The following CHKB variants were observed in gnomAD, a reference collection of about 807,000 sequenced individuals.
The protein encoded by CHKB is choline/ethanolamine kinase.
Under a neutral mutation model 57.3 loss-of-function variants are expected in CHKB, and 45 were observed. The observed-to-expected ratio is 0.79, with a 90% confidence interval of 0.62 to 1.01. The LOEUF (loss-of-function observed/expected upper bound fraction) is 1.01, where lower values mean the gene tolerates loss of function less well. CHKB is among the 50% of genes least tolerant of loss of function. CHKB has a pLI of 0.00. For synonymous variants in CHKB, 224 were observed against 201.8 expected, an observed-to-expected ratio of 1.11 and a Z score of -0.93; for missense variants, 517 against 502.8, an observed-to-expected ratio of 1.03 and a Z score of -0.27.
rs1341005645 is a variant in CHKB, at chr22:50,579,204, T to G, written c.1165A>C (p.Thr389Pro). Residue 389 changes from threonine (T) to proline (P), a missense_variant, in exon 11 of 11, where the codon ACC (threonine) becomes CCC (proline). Coordinates refer to ENST00000406938, the MANE Select transcript of CHKB (RefSeq NM_005198.5). ...QFYFQQKGQL[T>P]SVHSSS The stretch of plus-strand genomic sequence containing the variant: ...AGTCAGGATGAGGAGTGGACACTGG[T>G]CAGCTGCCCCTTCTGCTGGAAGTAG... The G allele has an allele frequency of 6.2e-7, 1 of 1,613,760 alleles. No homozygotes were observed. Among genetic ancestry groups the G allele is most frequent in the African/African-American group, 1.3e-5 (1 of 74,988 alleles).
At chr22:50,582,516 C>A in intron 1 of CHKB, 42 bp downstream of exon 1, 3 of 1,572,500 alleles carry the variant, frequency 1.9e-6, no homozygotes, top group Non-Finnish European at 2.6e-6. Flanking sequence ...TGACCCCTGA[C>A]CCCGATCCGC....
Position 50,579,411 on chromosome 22 carries a change from C to T in CHKB, c.1113+15G>A, listed in dbSNP as rs1281543352. On this transcript the variant is annotated intron_variant, in intron 10 of 10. Transcript: ENST00000406938. ...CAGCCCCCCAGCTAGCATTCCCATC[C>T]CCAGGGTCACTTACCAAGTAACCAA... is the stretch of plus-strand genomic sequence containing the variant. 3 of 1,610,788 alleles carry T rather than the reference C, an allele frequency of 1.9e-6. No individual in the cohort carries two copies. The highest frequency in any genetic ancestry group is 1.3e-5 in the African/African-American group (1 of 74,832).
intron 2 of CHKB, 53 bp from the exon 3 acceptor site, chr22:50,581,915 CAT>C (rs2070699411): frequency 4.0e-6 from 6 of 1,494,334 alleles, no homozygotes; most frequent in East Asian, 2.3e-5. Context: ...CAGGGACACA[CAT>C]GAGGGCTCGC....
chr22:50,582,343 T>C lies in CHKB; in HGVS notation c.239A>G (p.Asn80Ser), dbSNP rs774901785. ...RVYPVSGGLS[N>S]LLFRCSLPDH... ...CGGGAGCGAGCAGCGGAAGAGCAGG[T>C]TGCTGAGGCCTCCGCTGCAGACCCA... Residue 80 changes from asparagine (N) to serine (S), a missense_variant, in exon 2 of 11, where the codon AAC becomes AGC. Asn to Ser is a conservative substitution (Grantham distance 46, BLOSUM62 1). Transcript: ENST00000406938. 2 of 1,566,402 alleles carry C rather than the reference T, an allele frequency of 1.3e-6. No individual in the cohort carries two copies. Among genetic ancestry groups the C allele is most frequent in the East Asian group, 2.3e-5 (1 of 42,632 alleles).
At chr22:50,579,862 GGA>G in intron 8 of CHKB, 32 bp from the exon 9 acceptor site, 1 of 1,602,162 alleles carries the variant, frequency 6.2e-7, no homozygotes, top group Non-Finnish European at 8.5e-7. Context: ...CAGGAATTGG[GGA>G]GACTGTGGAG....
At position 50,579,118 on chromosome 22, in the gene CHKB, T is replaced by C; in HGVS notation, c.*63A>G. The C allele has an allele frequency of 6.6e-7, 1 of 1,506,522 alleles. No homozygotes were observed. The highest frequency in any genetic ancestry group is 9.1e-7 in the Non-Finnish European group (1 of 1,093,250). The allele number at this position is 1,506,522 out of a possible 1,614,324, so 93.3% of individuals were successfully genotyped here. A position where few individuals can be genotyped will look rare whatever the true frequency, so the allele number is the denominator to read the frequency against. On this transcript the variant is annotated 3_prime_UTR_variant, in exon 11 of 11. Transcript: ENST00000406938. ...AGTCGCCAGGGCCTTCTGCTCGTTGTTCCTCCCTCCAAGGTCCTGCCCTGG... is the reference window on the plus strand; with the variant it reads ...AGTCGCCAGGGCCTTCTGCTCGTTGCTCCTCCCTCCAAGGTCCTGCCCTGG...
intron 9 of CHKB, 102 bp downstream of exon 9, chr22:50,579,625 C>T: frequency 2.0e-6 from 3 of 1,486,462 alleles, no homozygotes; most frequent in African/African-American, 1.4e-5. Flanking sequence ...GTCCTAACTC[C>T]ACTCTCCACA....
At position 50,579,981 on chromosome 22, in the gene CHKB, T is replaced by A; in HGVS notation, c.920A>T (p.Glu307Val). Residue 307 changes from glutamate (E) to valine (V), a missense_variant, in exon 8 of 11, where the codon GAA (glutamate) becomes GTA (valine). By Grantham distance (121) the Glu-to-Val change is moderately radical. Transcript: ENST00000406938. ...KARPTDYPTQ[E>V]QQLHFIRHYL... ...AGCCTCTGGCCCACATACCTGCTGT[T>A]CTTGAGTGGGGTAGTCTGTGGGCCT... is the stretch of plus-strand genomic sequence containing the variant. 1 of 1,613,982 alleles carries A rather than the reference T, an allele frequency of 6.2e-7. No homozygotes were observed. Among genetic ancestry groups the A allele is most frequent in the Non-Finnish European group, 8.5e-7 (1 of 1,179,914 alleles).
At chr22:50,582,093 G>T in intron 2 of CHKB, 156 bp downstream of exon 2, 1 of 829,624 alleles carries the variant, frequency 1.2e-6, no homozygotes, top group Non-Finnish European at 2.0e-6. Context: ...GCCTCCCAAA[G>T]CTCTGGGAAT....
Position 50,580,257 on chromosome 22 carries a change from G to A in CHKB, c.751C>T (p.Leu251Phe), listed in dbSNP as rs1030395882. 3 of 1,614,000 alleles carry A rather than the reference G, an allele frequency of 1.9e-6. No individual in the cohort carries two copies. The highest frequency in any genetic ancestry group is 8.5e-7 in the Non-Finnish European group (1 of 1,180,020). Reference sequence around the variant, plus strand: ...CTGTCAGCATTTTCTGGCTCTGAGAGCAGCAAGATGTTCCCTGGGGGAATG... The same window carrying A: ...CTGTCAGCATTTTCTGGCTCTGAGAACAGCAAGATGTTCCCTGGGGGAATG... ...NDIQEGNILLLSEPENADSLM... is the reference protein window; with the variant it reads ...NDIQEGNILLFSEPENADSLM... Residue 251 changes from leucine (L) to phenylalanine (F), a missense_variant, in exon 7 of 11, where the codon CTC becomes TTC. Transcript: ENST00000406938.
At position 50,582,251 on chromosome 22, in the gene CHKB, G is replaced by A; in HGVS notation, c.331C>T (p.Gln111Ter). 2 of 1,587,350 alleles carry A rather than the reference G, an allele frequency of 1.3e-6. No individual in the cohort carries two copies. The highest frequency in any genetic ancestry group is 1.2e-5 in the South Asian group (1 of 86,888). Reference protein sequence around the residue: ...VLLRLYGAILQGVDSLVLESV... With the variant: ...VLLRLYGAIL ...TGCGGCGCTCACACCCCCCTCACCT[G>A]CAAGATGGCTCCGTACAGCCGCAGA... The change falls in exon 2 of 11, where the codon CAG becomes TAG. Residue 111 changes from glutamine (Q) to a stop codon, truncating the protein, a stop_gained and splice_region_variant. Transcript: ENST00000406938. LOFTEE classifies it high-confidence loss of function.
At position 50,580,399 on chromosome 22, in the gene CHKB, G is replaced by A. The variant is rs758344083; in HGVS notation, c.695C>T (p.Thr232Ile). 29 of 1,613,908 alleles carry A rather than the reference G, an allele frequency of 1.8e-5. No homozygotes were observed. Among genetic ancestry groups the A allele is most frequent in the Admixed American group, 5.0e-5 (3 of 59,996 alleles). Reference protein sequence around the residue: ...MGNLRKLLESTPSPVVFCHND... With the variant: ...MGNLRKLLESIPSPVVFCHND... ...GTGGCAGAAGACGACTGGCGATGGG[G>A]TAGACTCTAGTAACTTCCTACAGGG... Residue 232 changes from threonine (T) to isoleucine (I), a missense_variant, in exon 6 of 11, where the codon ACC (threonine) becomes ATC (isoleucine). Thr to Ile is a moderately conservative substitution (Grantham distance 89). Coordinates refer to ENST00000406938, the MANE Select transcript of CHKB (RefSeq NM_005198.5).
chr22:50,582,229 G>A lies in CHKB; in HGVS notation c.333+20C>T. 1 of 1,560,438 alleles carries A rather than the reference G, an allele frequency of 6.4e-7. No individual in the cohort carries two copies. The highest frequency in any genetic ancestry group is 8.7e-7 in the Non-Finnish European group (1 of 1,152,434). On this transcript the variant is annotated intron_variant, in intron 2 of 10. Transcript: ENST00000406938. The stretch of plus-strand genomic sequence containing the variant: ...CAGGCCCTAAAGCCACTGGTGCTGC[G>A]GCGCTCACACCCCCCTCACCTGCAA...
intron 10 of CHKB, 38 bp downstream of exon 10, chr22:50,579,388 G>GC (rs1324961165): frequency 6.9e-6 from 11 of 1,598,686 alleles, no homozygotes; most frequent in Non-Finnish European, 9.4e-6. Flanking sequence ...CTGCTCCCCA[G>GC]CCCCCCAGCT....
At chr22:50,582,483 G>A (rs746600504) in intron 1 of CHKB, 75 bp downstream of exon 1, 194 of 1,502,088 alleles carry the variant, frequency 1.3e-4, no homozygotes, top group Non-Finnish European at 1.7e-4. Flanking sequence ...CGAAAACATG[G>A]AGCATCCTGA....
rs772702879 is a variant in CHKB at position 50,580,422 on chromosome 22, G to A, written c.678-6C>T. The A allele has an allele frequency of 3.1e-6, 5 of 1,614,014 alleles. No individual in the cohort carries two copies. Among genetic ancestry groups the A allele is most frequent in the African/African-American group, 1.3e-5 (1 of 75,040 alleles). ...GGGTAGACTCTAGTAACTTCCTACA[G>A]GGGTATGGGAGCATGGGTCCTGAGC... On this transcript the variant is annotated splice_polypyrimidine_tract_variant and splice_region_variant and intron_variant, in intron 5 of 10. Coordinates refer to ENST00000406938, the MANE Select transcript of CHKB (RefSeq NM_005198.5).
chr22:50,581,783 A>C lies in CHKB; in HGVS notation c.413T>G (p.Val138Gly). Residue 138 changes from valine (V) to glycine (G), a missense_variant, in exon 3 of 11, where the codon GTC (valine) becomes GGC (glycine). Transcript: ENST00000406938. Reference sequence around the variant, plus strand: ...CTGTTCCAGCCGGCCCTCTGGGAAGACTCCGTACAGCTGGGGCCCCAGCGA... The same window carrying C: ...CTGTTCCAGCCGGCCCTCTGGGAAGCCTCCGTACAGCTGGGGCCCCAGCGA... ...ERSLGPQLYG[V>G]FPEGRLEQYI... The C allele has an allele frequency of 1.2e-6, 2 of 1,613,360 alleles. No homozygotes were observed. Among genetic ancestry groups the C allele is most frequent in the Non-Finnish European group, 1.7e-6 (2 of 1,179,898 alleles).
intron 7 of CHKB, 24 bp from the exon 8 acceptor site, chr22:50,580,106 A>AAT (rs747565422): frequency 1.2e-6 from 2 of 1,612,900 alleles, no homozygotes; most frequent in Non-Finnish European, 1.7e-6. Context: ...GTGGACATTC[A>AAT]GTCCCCAAAT....
Position 50,579,735 on chromosome 22 carries a change from T to G in CHKB, c.1023A>C (p.Glu341Asp). 6.2e-7 allele frequency: 1 copy of G among 1,613,376 alleles called. No homozygotes were observed. The change falls in exon 9 of 11, where the codon GAA becomes GAC. Residue 341 changes from glutamate to aspartate, a missense_variant. Coordinates refer to ENST00000406938, the MANE Select transcript of CHKB (RefSeq NM_005198.5). The part of the protein sequence containing the change: ...QRKLEEDLLV[E>D]VSRYALASHF... ...TGCCCCTCCTTCCTCACCGACTGAC[T>G]TCTACCAGCAAATCTTCTTCCAGTT...
Sources: allele counts gnomAD v4.1 joint callset, GRCh38; gene constraint gnomAD v4.1.1; transcripts MANE v1.5; gene names NCBI Gene and HGNC (gene_info 2026-07-23, HGNC 2026-07-21).